GRIK3: variants seen among roughly 807,000 people sequenced by gnomAD.
GRIK3 encodes the protein glutamate ionotropic receptor kainate type subunit 3.
In GRIK3, 29 loss-of-function variants were observed where a neutral mutation model predicts 102.5. That is an observed-to-expected ratio of 0.28 (90% CI 0.21 to 0.39). GRIK3 has a LOEUF of 0.39. Ranked by LOEUF, GRIK3 falls within the 10% of genes least tolerant of loss-of-function variation. GRIK3 has a pLI of 1.00. For missense variants in GRIK3, 908 were observed against 1,252.4 expected (o/e 0.73, Z 4.15); for synonymous variants, 511 against 504.9 (o/e 1.01, Z -0.16).
intron 10 of GRIK3, among the ~76,000 whole-genome samples, chr1:36,835,926 C>A (rs1467484857): frequency 6.6e-6 from 1 of 152,186 alleles, no homozygotes; most frequent in African/African-American, 2.4e-5. Flanking sequence ...TCACCTGCTT[C>A]CCTGGTCTCC....
chr1:36,818,357 A>G (rs1166106578), intron 12 of GRIK3, among the ~76,000 whole-genome samples: 1 of 152,244 alleles, frequency 6.6e-6, no homozygotes, highest in African/African-American at 2.4e-5. Flanking sequence ...ACTCATTAAT[A>G]GCAAGGACAG....
intron 1 of GRIK3, among the ~76,000 whole-genome samples, chr1:36,907,353 G>A (rs1480527332): frequency 6.6e-6 from 1 of 152,192 alleles, no homozygotes; most frequent in African/African-American, 2.4e-5. Context: ...CAGGCCCAAA[G>A]GTGGGCGAGT....
chr1:36,960,271 C>T (rs1001999538), intron 1 of GRIK3, among the ~76,000 whole-genome samples: 3 of 145,972 alleles, frequency 2.1e-5, no homozygotes, highest in Non-Finnish European at 4.5e-5. Context: ...CTCTGTGACC[C>T]GTGAGCCTGT....
chr1:36,987,492 A>G (rs1642318652), intron 1 of GRIK3, among the ~76,000 whole-genome samples: 1 of 152,192 alleles, frequency 6.6e-6, no homozygotes, highest in South Asian at 2.1e-4. Context: ...ACTTGGGCTC[A>G]ATCCCATGGG....
At chr1:36,993,048 T>C (rs1379504283) in intron 1 of GRIK3, among the ~76,000 whole-genome samples, 1 of 151,346 alleles carries the variant, frequency 6.6e-6, no homozygotes, top group African/African-American at 2.4e-5. Flanking sequence ...ACATGGCAGA[T>C]GAAGTATTAG....
At chr1:36,985,534 C>CCTCA (rs1268953404) in intron 1 of GRIK3, among the ~76,000 whole-genome samples, 1 of 152,174 alleles carries the variant, frequency 6.6e-6, no homozygotes, top group African/African-American at 2.4e-5. Flanking sequence ...TGCATACCTG[C>CCTCA]CTCAGGTCCT....
intron 1 of GRIK3, among the ~76,000 whole-genome samples, chr1:36,976,853 A>T (rs1642201312): frequency 6.6e-6 from 1 of 152,108 alleles, no homozygotes; most frequent in Non-Finnish European, 1.5e-5. Context: ...TCCCCTCCCC[A>T]GTCACCCACA....
intron 1 of GRIK3, among the ~76,000 whole-genome samples, chr1:36,940,204 C>T (rs867924789): frequency 7.9e-5 from 12 of 152,218 alleles, no homozygotes; most frequent in African/African-American, 1.7e-4. Context: ...AGGACTTGCC[C>T]GAGCAGAAGC....
chr1:36,912,521 T>G (rs935348549), intron 1 of GRIK3, among the ~76,000 whole-genome samples: 2 of 151,864 alleles, frequency 1.3e-5, no homozygotes, highest in Admixed American at 1.3e-4. Flanking sequence ...TGCTCCCTCA[T>G]GGTCCTGATT....
rs534493214 is a variant in GRIK3 at position 36,854,824 on chromosome 1, T to C, written c.1105-1102A>G. Among the ~76,000 whole-genome samples the C allele has an allele frequency of 2.3e-4, 35 of 152,246 alleles. No individual in the cohort carries two copies. The South Asian group carries it at 3.9e-3, about 17-fold the overall frequency. ...TGCCGTGCAACCTCCACAGCAGCCA[T>C]GGGAGGTGGCCACGCAAGGATCATG... On this transcript the variant is annotated intron_variant, in intron 7 of 15. Coordinates refer to ENST00000373091, the MANE Select transcript of GRIK3 (RefSeq NM_000831.4).
intron 13 of GRIK3, among the ~76,000 whole-genome samples, chr1:36,814,071 G>T (rs899550308): frequency 1.3e-5 from 2 of 152,198 alleles, no homozygotes; most frequent in African/African-American, 4.8e-5. Context: ...GCATTTGTAT[G>T]TCTCTTCTGC....
At chr1:36,895,821 G>T (rs1641165866) in intron 1 of GRIK3, among the ~76,000 whole-genome samples, 1 of 151,864 alleles carries the variant, frequency 6.6e-6, no homozygotes, top group Non-Finnish European at 1.5e-5. Flanking sequence ...TGACACTGAG[G>T]CATATCATTT....
chr1:37,033,956 C>T (rs532414097), intron 1 of GRIK3, 38 bp downstream of exon 1: 1 of 1,231,444 alleles, frequency 8.1e-7, no homozygotes, highest in Non-Finnish European at 1.2e-6. Flanking sequence ...CGCCCCCTCC[C>T]GGGCGCACGG....
chr1:37,001,979 T>C (rs1182214439), intron 1 of GRIK3, among the ~76,000 whole-genome samples: 1 of 152,132 alleles, frequency 6.6e-6, no homozygotes, highest in Non-Finnish European at 1.5e-5. Context: ...CCATCTGTCA[T>C]TGGATGAGGC....
rs537008058 is a variant in GRIK3 at position 36,819,946 on chromosome 1, C to T, written c.1755-92G>A. 9.9e-6 allele frequency: 7 copies of T among 709,620 alleles called. No individual in the cohort carries two copies. The highest frequency in any genetic ancestry group is 2.7e-5 in the East Asian group (1 of 36,848). 44.0% of individuals were successfully genotyped at this position (709,620 alleles called of 1,614,324 possible). A position where few individuals can be genotyped will look rare whatever the true frequency, so the allele number is the denominator to read the frequency against. On this transcript the variant is annotated intron_variant, in intron 11 of 15. Transcript: ENST00000373091. This position sits in a 1 kb window ranked among gnomAD's most constrained non-coding sequence, Gnocchi z 4.1. ...GTTTAGCAAACACAGCTGTGCCAGC[C>T]GCCTCAGCGTCAATATCCTCATGGT...
intron 1 of GRIK3, among the ~76,000 whole-genome samples, chr1:36,930,357 TG>T (rs975405900): frequency 9.9e-5 from 15 of 152,214 alleles, no homozygotes; most frequent in African/African-American, 3.6e-4. Context: ...AGTGGTGATT[TG>T]GTCTTTATAC....
chr1:36,925,539 ATGT>A (rs1486661067), intron 1 of GRIK3, among the ~76,000 whole-genome samples: 1 of 152,272 alleles, frequency 6.6e-6, no homozygotes, highest in African/African-American at 2.4e-5. Context: ...TAAGCCCCAG[ATGT>A]TGTGTAGAAA....
intron 1 of GRIK3, among the ~76,000 whole-genome samples, chr1:36,991,052 T>G (rs983547915): frequency 6.6e-6 from 1 of 152,136 alleles, no homozygotes; most frequent in Non-Finnish European, 1.5e-5. Flanking sequence ...TTGATTACCC[T>G]GAGGTGCCTA....
chr1:36,916,821 T>C (rs1040354084), intron 1 of GRIK3, among the ~76,000 whole-genome samples: 1 of 152,188 alleles, frequency 6.6e-6, no homozygotes, highest in African/African-American at 2.4e-5. Flanking sequence ...GGAGAACCTC[T>C]GCTAGGGTAG....
Sources: gnomAD v4.1 joint callset for allele counts (sites outside exome capture counted in the v4.1 genomes callset) on GRCh38, gnomAD v4.1.1 for gene constraint, Gnocchi (gnomAD v3.1) non-coding constraint, MANE v1.5 for transcripts, NCBI Gene and HGNC (gene_info 2026-07-23, HGNC 2026-07-21) for gene names.